The following CSMD2 variants were observed in gnomAD, a reference collection of about 807,000 sequenced individuals.
The protein encoded by CSMD2 is CUB and sushi domain-containing protein 2.
In CSMD2, 130 loss-of-function variants were observed where a neutral mutation model predicts 398.5. The observed-to-expected ratio is 0.33, with a 90% CI of 0.28 to 0.38. The LOEUF is 0.38. CSMD2 is among the 10% of genes least tolerant of loss of function. The pLI is 1.00. For synonymous variants in CSMD2, 1,828 were observed against 1,908.5 expected, an observed-to-expected ratio of 0.96 and a Z score of 1.10; for missense variants, 3,829 against 4,764.9, an observed-to-expected ratio of 0.80 and a Z score of 5.78.
At chr1:33,746,855 C>T (rs1647454631) in intron 13 of CSMD2, among the ~76,000 whole-genome samples, 1 of 152,190 alleles carries the variant, frequency 6.6e-6, no homozygotes, top group Admixed American at 6.5e-5. Context: ...CACTCCAAAC[C>T]TCGACCAACA....
At chr1:33,527,095 C>T in intron 65 of CSMD2, 101 bp downstream of exon 65, 2 of 1,061,210 alleles carry the variant, frequency 1.9e-6, no homozygotes, top group East Asian at 2.4e-5. Context: ...TCATGCCCTT[C>T]CTCTAGGCAC....
chr1:33,609,894 T>C (rs2148832637), intron 41 of CSMD2, among the ~76,000 whole-genome samples: 1 of 152,338 alleles, frequency 6.6e-6, no homozygotes, highest in South Asian at 2.1e-4. Context: ...AATCCCTATG[T>C]TGAAACCTAA....
At chr1:33,868,725 G>T (rs1422460208) in intron 5 of CSMD2, among the ~76,000 whole-genome samples, 1 of 139,568 alleles carries the variant, frequency 7.2e-6, no homozygotes, top group Non-Finnish European at 1.5e-5. Context: ...GACAGAGTGA[G>T]ACTCCATCTT....
At chr1:33,967,544 C>T (rs959274608) in intron 3 of CSMD2, among the ~76,000 whole-genome samples, 6 of 152,202 alleles carry the variant, frequency 3.9e-5, no homozygotes, top group Non-Finnish European at 8.8e-5. Context: ...CCCCTCTGCA[C>T]TCCCCACATC....
intron 3 of CSMD2, among the ~76,000 whole-genome samples, chr1:34,030,976 T>C (rs1014305626): frequency 1.1e-4 from 17 of 152,212 alleles, no homozygotes; most frequent in African/African-American, 3.4e-4. Context: ...CTGAAGAGGC[T>C]TCTCCTAGTG....
intron 57 of CSMD2, among the ~76,000 whole-genome samples, chr1:33,544,945 C>T (rs1411698992): frequency 6.6e-6 from 1 of 151,784 alleles, no homozygotes; most frequent in African/African-American, 2.4e-5. Context: ...AGCTCTGTAC[C>T]CAATGCACTG....
At chr1:33,529,581 A>G (rs1348178225) in intron 64 of CSMD2, among the ~76,000 whole-genome samples, 2 of 152,246 alleles carry the variant, frequency 1.3e-5, no homozygotes, top group Non-Finnish European at 2.9e-5. Flanking sequence ...CTGGATAGCC[A>G]CATAAAAAAG....
chr1:33,820,545 C>T lies in CSMD2; in HGVS notation c.1123G>A (p.Gly375Ser). 1 of 1,195,988 alleles carries T rather than the reference C, an allele frequency of 8.4e-7. No homozygotes were observed. Among genetic ancestry groups the T allele is most frequent in the Non-Finnish European group, 1.2e-6 (1 of 819,248 alleles). 74.1% of individuals were successfully genotyped at this position (1,195,988 alleles called of 1,614,324 possible). Reference sequence around the variant, plus strand: ...CACATATTATGTCCTTGGGACACACCAACCTGAGTTACTACAAGGCAAAAA... The same window carrying T: ...CACATATTATGTCCTTGGGACACACTAACCTGAGTTACTACAAGGCAAAAA... ...SQKTSVLTQV[G>S]VSQGHNMCPD... The change falls in exon 8 of 71, where the codon GGT (glycine) becomes AGT (serine). Residue 375 changes from glycine to serine, a missense_variant. Gly to Ser is a moderately conservative substitution (Grantham distance 56, BLOSUM62 0). Coordinates refer to ENST00000373381, the MANE Select transcript of CSMD2 (RefSeq NM_001281956.2).
In CSMD2 at chr1:33,724,692, TGCA is replaced by T; in HGVS notation, c.2705_2707del (p.Leu902del). 1 of 1,614,024 alleles carries T rather than the reference TGCA, an allele frequency of 6.2e-7. No individual in the cohort carries two copies. Among genetic ancestry groups the T allele is most frequent in the Non-Finnish European group, 8.5e-7 (1 of 1,179,928 alleles). On this transcript the variant is annotated inframe_deletion, in exon 18 of 71. Coordinates refer to ENST00000373381, the MANE Select transcript of CSMD2 (RefSeq NM_001281956.2). ...TCCTGGATCCAGACAGTGGTCTGAC[TGCA>T]GTGTTATAGCTGAAAGAGAGAGGCC...
At chr1:34,097,276 G>T (rs1571108290) in intron 1 of CSMD2, among the ~76,000 whole-genome samples, 2 of 150,622 alleles carry the variant, frequency 1.3e-5, no homozygotes, top group South Asian at 4.2e-4. Flanking sequence ...ATGGATTAAA[G>T]ACTTAAACGT....
chr1:33,620,973 A>T (rs907672550), intron 37 of CSMD2, among the ~76,000 whole-genome samples: 5 of 152,150 alleles, frequency 3.3e-5, no homozygotes, highest in Non-Finnish European at 5.9e-5. Context: ...TCAGACATCT[A>T]GCACCCAGTG....
At chr1:33,992,606 C>T (rs1224231791) in intron 3 of CSMD2, among the ~76,000 whole-genome samples, 4 of 151,534 alleles carry the variant, frequency 2.6e-5, no homozygotes, top group African/African-American at 4.8e-5. Context: ...TGGTGGCTCA[C>T]GCCTGTAATC....
chr1:33,719,578 G>A (rs1646287102), intron 19 of CSMD2, among the ~76,000 whole-genome samples: 1 of 152,170 alleles, frequency 6.6e-6, no homozygotes, highest in Non-Finnish European at 1.5e-5. Context: ...TACTTCACTT[G>A]ACTGAACCAA....
At chr1:33,915,004 A>AG (rs1045368961) in intron 5 of CSMD2, among the ~76,000 whole-genome samples, 39 of 152,320 alleles carry the variant, frequency 2.6e-4, no homozygotes, top group African/African-American at 7.9e-4. Context: ...TATCCCGTTT[A>AG]GGGGGAGGGG....
chr1:33,562,930 T>C (rs1298573875), intron 53 of CSMD2, among the ~76,000 whole-genome samples: 1 of 152,204 alleles, frequency 6.6e-6, no homozygotes, highest in Non-Finnish European at 1.5e-5. Context: ...TCCACAATTG[T>C]GTGAGCCAGT....
chr1:33,736,113 C>T (rs894765769), intron 15 of CSMD2, among the ~76,000 whole-genome samples: 4 of 152,188 alleles, frequency 2.6e-5, no homozygotes, highest in African/African-American at 4.8e-5. Context: ...TCAGGGTCTC[C>T]AATAGACTGT....
intron 5 of CSMD2, among the ~76,000 whole-genome samples, chr1:33,895,700 C>A (rs16836072): frequency 6.6e-6 from 1 of 152,050 alleles, no homozygotes; most frequent in African/African-American, 2.4e-5. Context: ...ACACTGGCCG[C>A]CCTCCAGAAA....
intron 65 of CSMD2, among the ~76,000 whole-genome samples, chr1:33,526,885 A>C (rs576906885): frequency 2.6e-4 from 39 of 152,286 alleles, no homozygotes; most frequent in African/African-American, 9.4e-4. Flanking sequence ...GGCCTGGGTC[A>C]ATGTGTTTGT....
intron 56 of CSMD2, among the ~76,000 whole-genome samples, chr1:33,548,054 C>T (rs1657076717): frequency 6.6e-6 from 1 of 152,206 alleles, no homozygotes; most frequent in South Asian, 2.1e-4. Flanking sequence ...TTTGCTCTCC[C>T]TCTCCTGACA....
Sources: gnomAD v4.1 joint callset for allele counts (sites outside exome capture counted in the v4.1 genomes callset) on GRCh38, gnomAD v4.1.1 for gene constraint, MANE v1.5 for transcripts, NCBI Gene and HGNC (gene_info 2026-07-23, HGNC 2026-07-21) for gene names.